ARHGAP8: variants seen among roughly 807,000 people sequenced by gnomAD.
ARHGAP8 encodes rho GTPase-activating protein 8.
In ARHGAP8, 62 loss-of-function variants were observed where a neutral mutation model predicts 46.1. The observed-to-expected ratio is 1.34, with a 90% confidence interval of 1.10 to 1.66. The LOEUF (loss-of-function observed/expected upper bound fraction) is 1.66. Among genes scored for constraint, ARHGAP8 ranks in the 40% most tolerant of loss-of-function variants. The probability of loss-of-function intolerance (pLI) is 0.00; values close to 1 mark genes in which losing one functional copy is unlikely to be tolerated. For synonymous variants in ARHGAP8, 375 were observed against 243.1 expected (o/e 1.54, Z -5.05); for missense variants, 923 against 568.4 (o/e 1.62, Z -6.34).
At chr22:44,798,494 C>A (rs1437873645) in intron 2 of ARHGAP8, among the ~76,000 whole-genome samples, 1 of 151,168 alleles carries the variant, frequency 6.6e-6, no homozygotes, top group Non-Finnish European at 1.5e-5. Context: ...GACCCTGTTT[C>A]CAGTGTCACA....
intron 5 of ARHGAP8, among the ~76,000 whole-genome samples, chr22:44,821,246 A>AC (rs1297236515): frequency 2.0e-5 from 3 of 152,090 alleles, no homozygotes; most frequent in Non-Finnish European, 4.4e-5. Context: ...CCTGGCTAAC[A>AC]TGTTGAAACC....
At chr22:44,826,478 G>A (rs1329980653) in intron 7 of ARHGAP8, among the ~76,000 whole-genome samples, 1 of 152,176 alleles carries the variant, frequency 6.6e-6, no homozygotes, top group Non-Finnish European at 1.5e-5. Flanking sequence ...AGGCAGGAGT[G>A]CAGTGGCACC....
At chr22:44,811,996 C>CAA (rs80292686) in intron 4 of ARHGAP8, among the ~76,000 whole-genome samples, 38 of 131,376 alleles carry the variant, frequency 2.9e-4, no homozygotes, top group East Asian at 2.0e-3. Context: ...AACTCTGTTT[C>CAA]AAAAAAAAAA....
chr22:44,815,032 C>T (rs919337192), intron 5 of ARHGAP8, among the ~76,000 whole-genome samples: 9 of 152,200 alleles, frequency 5.9e-5, no homozygotes, highest in Non-Finnish European at 8.8e-5. Flanking sequence ...TGTGACCACC[C>T]TCAGGTGCCG....
Position 44,764,806 on chromosome 22 carries a change from G to A in ARHGAP8, c.-72+12179G>A, listed in dbSNP as rs528543436. Among the ~76,000 whole-genome samples the A allele has an allele frequency of 3.3e-4, 51 of 152,332 alleles. No individual in the cohort carries two copies. In the South Asian group the frequency reaches 3.9e-3, roughly 12 times the overall value. ...GGCCAACAGAATCAATAGCAGTTAC[G>A]TGTGCGCATTACGTGTCCCTGCGAG... On this transcript the variant is annotated intron_variant, in intron 1 of 11. Coordinates refer to ENST00000356099, the MANE Select transcript of ARHGAP8 (RefSeq NM_181335.3).
chr22:44,812,517 C>T (rs898760046), intron 4 of ARHGAP8, among the ~76,000 whole-genome samples: 7 of 151,874 alleles, frequency 4.6e-5, no homozygotes, highest in South Asian at 2.1e-4. Context: ...CTACCACGCC[C>T]GGCTAATTTT....
At chr22:44,770,319 G>A (rs1271286281) in intron 1 of ARHGAP8, among the ~76,000 whole-genome samples, 2 of 151,824 alleles carry the variant, frequency 1.3e-5, no homozygotes, top group African/African-American at 2.4e-5. Context: ...CTGGGTGGGG[G>A]CTACAGGACC....
At chr22:44,762,936 A>C (rs1477585538) in intron 1 of ARHGAP8, among the ~76,000 whole-genome samples, 1 of 152,150 alleles carries the variant, frequency 6.6e-6, no homozygotes, top group African/African-American at 2.4e-5. Flanking sequence ...GCTGTCCCAG[A>C]GGAACCAGCC....
intron 1 of ARHGAP8, among the ~76,000 whole-genome samples, chr22:44,761,078 T>C (rs2146990827): frequency 6.6e-6 from 1 of 152,354 alleles, no homozygotes; most frequent in South Asian, 2.1e-4. Context: ...AGGACCTGCA[T>C]GTACCAGGCC....
chr22:44,847,823 T>C lies in ARHGAP8; in HGVS notation c.671-150T>C, dbSNP rs576676722. ...CCACAGAGGTGGGAAATCGGGTGGG[T>C]TGGGGAATATGGAAAGGATTTGAGG... On this transcript the variant is annotated intron_variant, in intron 8 of 11. Coordinates refer to ENST00000356099, the MANE Select transcript of ARHGAP8 (RefSeq NM_181335.3). 1.7e-4 allele frequency: 175 copies of C among 1,000,196 alleles called. 2 individuals are homozygous for C. In the South Asian group the frequency reaches 2.7e-3, roughly 15 times the overall value. 62.0% of individuals were successfully genotyped at this position (1,000,196 alleles called of 1,614,324 possible). A position where few individuals can be genotyped will look rare whatever the true frequency, so the allele number is the denominator to read the frequency against.
chr22:44,809,648 G>A (rs956933381), intron 4 of ARHGAP8: 1 of 161,480 alleles, frequency 6.2e-6, no homozygotes, highest in African/African-American at 2.4e-5. Flanking sequence ...CTCACCGCTT[G>A]GCCATGGCCT....
intron 4 of ARHGAP8, among the ~76,000 whole-genome samples, chr22:44,813,256 A>G (rs944297319): frequency 6.8e-6 from 1 of 145,990 alleles, no homozygotes; most frequent in Admixed American, 6.7e-5. Flanking sequence ...ACATACACTT[A>G]CACACACACA....
chr22:44,829,367 T>C (rs13058073), intron 7 of ARHGAP8, among the ~76,000 whole-genome samples: 1 of 151,330 alleles, frequency 6.6e-6, no homozygotes, highest in South Asian at 2.1e-4. Context: ...CTGAGTGAAG[T>C]GTGGGAAAAT....
At chr22:44,831,514 G>A (rs1930943173) in intron 7 of ARHGAP8, among the ~76,000 whole-genome samples, 1 of 142,598 alleles carries the variant, frequency 7.0e-6, no homozygotes, top group South Asian at 2.3e-4. Context: ...TTACCAACAT[G>A]GTGAAACACC....
At chr22:44,758,011 C>T (rs1924822692) in intron 1 of ARHGAP8, among the ~76,000 whole-genome samples, 1 of 152,070 alleles carries the variant, frequency 6.6e-6, no homozygotes, top group Non-Finnish European at 1.5e-5. Context: ...AGAGGGGGAT[C>T]CCTGGATGGG....
At chr22:44,851,789 T>A (rs2070100673) in intron 10 of ARHGAP8, among the ~76,000 whole-genome samples, 1 of 151,774 alleles carries the variant, frequency 6.6e-6, no homozygotes, top group Non-Finnish European at 1.5e-5. Flanking sequence ...CAGTGAGCCA[T>A]GATCACACCA....
At chr22:44,809,828 C>G (rs934494227) in intron 4 of ARHGAP8, 2 of 152,566 alleles carry the variant, frequency 1.3e-5, no homozygotes, top group African/African-American at 4.8e-5. Flanking sequence ...TCACAGATAT[C>G]TGAGTCAGTG....
intron 2 of ARHGAP8, among the ~76,000 whole-genome samples, chr22:44,797,454 A>G (rs1374078670): frequency 2.0e-5 from 3 of 152,154 alleles, no homozygotes; most frequent in Non-Finnish European, 4.4e-5. Context: ...AGGCATAGCC[A>G]TTGAAGATTT....
At chr22:44,808,864 C>T (rs1929134824) in intron 4 of ARHGAP8, 1 of 364,704 alleles carries the variant, frequency 2.7e-6, no homozygotes, top group Non-Finnish European at 5.4e-6. Flanking sequence ...GTTGCCCAGG[C>T]TGGAGTGCAG....
Sources: allele counts gnomAD v4.1 joint callset (sites outside exome capture counted in the v4.1 genomes callset), GRCh38; gene constraint gnomAD v4.1.1; transcripts MANE v1.5; gene names NCBI Gene and HGNC (gene_info 2026-07-23, HGNC 2026-07-21).